Variants in CPS1 observed in about 807,000 individuals in gnomAD.
CPS1 encodes the protein carbamoyl-phosphate synthase 1.
A neutral mutation model predicts 174.6 loss-of-function variants in CPS1; 109 were observed. The ratio of observed to expected loss-of-function variants is 0.62; its 90% confidence interval spans 0.53 to 0.73. The LOEUF (loss-of-function observed/expected upper bound fraction) is 0.73. CPS1 is among the 30% of genes least tolerant of loss of function. The pLI, the probability that CPS1 is intolerant of heterozygous loss-of-function variation, is 0.00. For synonymous variants in CPS1, 637 were observed against 632.0 expected (o/e 1.01, Z -0.12); for missense variants, 1,689 against 1,821.9 (o/e 0.93, Z 1.33).
At chr2:210,572,541 C>T (rs1191484209) in intron 1 of CPS1, among the ~76,000 whole-genome samples, 2 of 151,932 alleles carry the variant, frequency 1.3e-5, no homozygotes, top group Non-Finnish European at 2.9e-5. Context: ...AAATGTTTTT[C>T]CAGTTGTCCC....
At chr2:210,603,375 T>A (rs1698791999) in intron 16 of CPS1, among the ~76,000 whole-genome samples, 2 of 151,948 alleles carry the variant, frequency 1.3e-5, no homozygotes, top group Non-Finnish European at 1.5e-5. Flanking sequence ...ATGGCAGACT[T>A]ACATATAAAC....
intron 32 of CPS1, 30 bp downstream of exon 32, chr2:210,660,685 T>C: frequency 1.3e-6 from 2 of 1,589,548 alleles, no homozygotes; most frequent in Non-Finnish European, 8.6e-7. Context: ...ATTAGTCATT[T>C]TATGAGTTCT....
At chr2:210,522,387 A>AT (rs927029282) in intron 1 of CPS1, among the ~76,000 whole-genome samples, 1 of 151,842 alleles carries the variant, frequency 6.6e-6, no homozygotes, top group Non-Finnish European at 1.5e-5. Context: ...ATTTTTAAGA[A>AT]TTTTTTTTAA....
At chr2:210,627,141 G>A (rs115502504) in intron 21 of CPS1, among the ~76,000 whole-genome samples, 1,861 of 152,242 alleles carry the variant, frequency 0.012, 38 homozygotes, top group African/African-American at 0.042. Flanking sequence ...ACCCCACTTA[G>A]AGAGGAGACA....
chr2:210,658,386 T>C (rs1700794101), intron 30 of CPS1: 2 of 502,288 alleles, frequency 4.0e-6, no homozygotes, highest in Middle Eastern at 5.6e-4. Flanking sequence ...CAATTATTTG[T>C]TCTTTTCCTA....
chr2:210,560,819 C>T (rs369225871), intron 1 of CPS1, among the ~76,000 whole-genome samples: 8 of 152,142 alleles, frequency 5.3e-5, no homozygotes, highest in African/African-American at 1.7e-4. Context: ...AGCCTCTGTA[C>T]ACGTTAGATG....
intron 34 of CPS1, among the ~76,000 whole-genome samples, chr2:210,670,931 C>T (rs377014897): frequency 1.3e-5 from 2 of 152,182 alleles, no homozygotes; most frequent in South Asian, 4.1e-4. Context: ...AAGGATTCTT[C>T]TCAATCTATT....
intron 1 of CPS1, among the ~76,000 whole-genome samples, chr2:210,507,401 T>C (rs529932650): frequency 2.0e-5 from 3 of 152,268 alleles, no homozygotes; most frequent in East Asian, 3.9e-4. Flanking sequence ...AAGGAACAAC[T>C]GGTACCACCC....
intron 1 of CPS1, among the ~76,000 whole-genome samples, chr2:210,539,360 A>G (rs569771644): frequency 6.6e-6 from 1 of 151,632 alleles, no homozygotes; most frequent in African/African-American, 2.4e-5. Flanking sequence ...AATAATCTCT[A>G]TTGATTATTT....
In CPS1 at chr2:210,660,629, AT is replaced by A. The variant is rs1264586092; in HGVS notation, c.3903del (p.Pro1302LeufsTer17). 19 of 1,614,142 alleles carry A rather than the reference AT, an allele frequency of 1.2e-5. No homozygotes were observed. Among genetic ancestry groups the A allele is most frequent in the Non-Finnish European group, 1.6e-5 (19 of 1,179,976 alleles). On this transcript the variant is annotated frameshift_variant, in exon 32 of 38. Transcript: ENST00000233072. LOFTEE classifies it high-confidence loss of function. ...KHLPTLDHPI[I>X]PADYVAIKAP... ...TCTTCCAACATTGGACCATCCCATA[AT>A]TCCTGCTGACTATGTTGCAATTAAG...
At position 210,617,321 on chromosome 2, in the gene CPS1, A is replaced by G. The variant is rs558441408; in HGVS notation, c.2687+780A>G. Among the ~76,000 whole-genome samples the G allele has an allele frequency of 3.3e-5, 5 of 152,176 alleles. No homozygotes were observed. The South Asian group carries it at 1.0e-3, about 31-fold the overall frequency. On this transcript the variant is annotated intron_variant, in intron 21 of 37. Coordinates refer to ENST00000233072, the MANE Select transcript of CPS1 (RefSeq NM_001875.5). ...TCCTCTTGAACTTCTTCCCTCTGAA[A>G]GCACTCTGAAATACACTACTATTGG... is the stretch of plus-strand genomic sequence containing the variant.
rs13416489 is a variant in CPS1 at position 210,576,702 on chromosome 2, C to T, written c.381+212C>T. On this transcript the variant is annotated intron_variant, in intron 3 of 37. Coordinates refer to ENST00000233072, the MANE Select transcript of CPS1 (RefSeq NM_001875.5). The stretch of plus-strand genomic sequence containing the variant: ...TCTCAGGGCACTTTGAATTTTAATG[C>T]GTTGGATGAAACTTGGCTTAACTTG... Among the ~76,000 whole-genome samples the T allele has an allele frequency of 0.029, 4,469 of 151,934 alleles. 216 individuals are homozygous for T. The highest frequency in any genetic ancestry group is 0.1 in the African/African-American group (4,251 of 41,430).
chr2:210,634,812 T>A (rs539963796), intron 21 of CPS1, among the ~76,000 whole-genome samples: 18 of 152,340 alleles, frequency 1.2e-4, no homozygotes, highest in Admixed American at 2.6e-4. Context: ...ACAATGAATG[T>A]GGCTACCCTC....
intron 29 of CPS1, 119 bp from the exon 30 acceptor site, chr2:210,656,406 G>C: frequency 1.4e-6 from 1 of 733,150 alleles, no homozygotes; most frequent in Non-Finnish European, 2.5e-6. Context: ...AATGTAGCAA[G>C]GGAACTACTT....
intron 19 of CPS1, among the ~76,000 whole-genome samples, chr2:210,611,369 A>C (rs1246851672): frequency 6.6e-6 from 1 of 152,012 alleles, no homozygotes; most frequent in Non-Finnish European, 1.5e-5. Flanking sequence ...AATGCATAGC[A>C]ATCTATTATT....
chr2:210,630,912 G>A (rs1415527313), intron 21 of CPS1, among the ~76,000 whole-genome samples: 1 of 152,008 alleles, frequency 6.6e-6, no homozygotes, highest in Non-Finnish European at 1.5e-5. Context: ...TCAAGAGAGA[G>A]GCTAGTGAGG....
intron 1 of CPS1, among the ~76,000 whole-genome samples, chr2:210,548,621 G>C (rs1221757141): frequency 1.3e-5 from 2 of 151,992 alleles, no homozygotes; most frequent in Non-Finnish European, 2.9e-5. Flanking sequence ...TCAAGGATTA[G>C]GGTTGGCTTC....
chr2:210,611,401 G>A (rs1464789221), intron 19 of CPS1, among the ~76,000 whole-genome samples: 2 of 151,918 alleles, frequency 1.3e-5, no homozygotes, highest in East Asian at 3.9e-4. Flanking sequence ...TTCAAACAAT[G>A]TTTATCCAGC....
Position 210,660,616 on chromosome 2 carries a change from G to A in CPS1, c.3888G>A (p.Leu1296=), listed in dbSNP as rs751217498. Residue 1296 remains leucine (L), a synonymous_variant, in exon 32 of 38, where the codon TTG becomes TTA. Coordinates refer to ENST00000233072, the MANE Select transcript of CPS1 (RefSeq NM_001875.5). ...ENVDEKHLPT[L]DHPIIPADYV... is the part of the protein sequence containing the mutation. ...TTGATGAGAAACATCTTCCAACATTGGACCATCCCATAATTCCTGCTGACT... is the reference window on the plus strand; with the variant it reads ...TTGATGAGAAACATCTTCCAACATTAGACCATCCCATAATTCCTGCTGACT... The A allele has an allele frequency of 6.2e-7, 1 of 1,614,032 alleles. No homozygotes were observed. Among genetic ancestry groups the A allele is most frequent in the Admixed American group, 1.7e-5 (1 of 60,020 alleles).
Sources: gnomAD v4.1 joint callset for allele counts (sites outside exome capture counted in the v4.1 genomes callset) on GRCh38, gnomAD v4.1.1 for gene constraint, MANE v1.5 for transcripts, NCBI Gene and HGNC (gene_info 2026-07-23, HGNC 2026-07-21) for gene names.